NOTCH2NLC: variants seen among roughly 807,000 people sequenced by gnomAD.
NOTCH2NLC encodes notch homolog 2 N-terminal-like protein C.
Under a neutral mutation model 17.7 loss-of-function variants are expected in NOTCH2NLC, and 4 were observed. The observed-to-expected ratio is 0.23, with a 90% CI of 0.11 to 0.52. The LOEUF is 0.52. Among genes scored for constraint, NOTCH2NLC ranks in the 20% least tolerant of loss-of-function variants. The pLI is 0.96. For synonymous variants in NOTCH2NLC, 18 were observed against 86.0 expected, an observed-to-expected ratio of 0.21 and a Z score of 4.38; for missense variants, 57 against 207.2, an observed-to-expected ratio of 0.28 and a Z score of 4.45.
chr1:149,421,583 A>G (rs1490034535), intron 1 of NOTCH2NLC, among the ~76,000 whole-genome samples: 1 of 136,184 alleles, frequency 7.3e-6, no homozygotes, highest in Non-Finnish European at 1.6e-5. Flanking sequence ...TTGTCTTGAT[A>G]ATAGTACAAA....
chr1:149,400,271 A>T (rs1244288201), intron 1 of NOTCH2NLC, among the ~76,000 whole-genome samples: 2 of 136,390 alleles, frequency 1.5e-5, no homozygotes, highest in Non-Finnish European at 3.2e-5. Context: ...CTTAATCTTA[A>T]TATGCCTCTC....
intron 3 of NOTCH2NLC, among the ~76,000 whole-genome samples, chr1:149,460,143 T>A: frequency 7.3e-6 from 1 of 136,446 alleles, no homozygotes; most frequent in Non-Finnish European, 1.6e-5. Flanking sequence ...AATAATTTCT[T>A]CCTGATTGTC....
rs1420235013 is a variant in NOTCH2NLC, at chr1:149,436,855, TAAAAC to T, written c.209+5844_209+5848del. Among the ~76,000 whole-genome samples the T allele has an allele frequency of 1.3e-3, 150 of 118,306 alleles. 1 individual carries two copies. Among genetic ancestry groups the T allele is most frequent in the Middle Eastern group, 0.012 (3 of 246 alleles). 77.6% of individuals were successfully genotyped at this position (118,306 alleles called of 152,430 possible). On this transcript the variant is annotated intron_variant, in intron 2 of 4. Transcript: ENST00000650865. ...CCATAGTTCATTTATCTTTTTAACA[TAAAAC>T]AAAGAATGCTGTTTTTTTGGCTCAT...
chr1:149,462,108 G>A (rs1240204653), intron 3 of NOTCH2NLC, among the ~76,000 whole-genome samples: 3 of 145,478 alleles, frequency 2.1e-5, no homozygotes, highest in Admixed American at 1.4e-4. Context: ...TTGTGCACGT[G>A]TACCCTAGAA....
intron 1 of NOTCH2NLC, among the ~76,000 whole-genome samples, chr1:149,421,498 C>CAAAAAA (rs1186003741): frequency 2.7e-5 from 1 of 36,932 alleles, no homozygotes; most frequent in African/African-American, 1.1e-4. Flanking sequence ...GACTCCATCT[C>CAAAAAA]AAAAAAAAAA....
chr1:149,400,119 T>TAA lies in NOTCH2NLC; in HGVS notation c.135+9198_135+9199insAA, dbSNP rs2084234701. Among the ~76,000 whole-genome samples, 11 of 142,672 alleles carry TAA rather than the reference T, an allele frequency of 7.7e-5. 1 individual carries two copies. Among genetic ancestry groups the TAA allele is most frequent in the Non-Finnish European group, 1.7e-4 (11 of 65,176 alleles). The allele number at this position is 142,672 out of a possible 152,430, so 93.6% of individuals were successfully genotyped here. A position where few individuals can be genotyped will look rare whatever the true frequency, so the allele number is the denominator to read the frequency against. On this transcript the variant is annotated intron_variant, in intron 1 of 4. Coordinates refer to ENST00000650865, the MANE Select transcript of NOTCH2NLC (RefSeq NM_001364013.2). ...GAAAAGCTGTTGATTTATTTATATA[T>TAA]ATATATATATATAATATATATTTTT...
intron 1 of NOTCH2NLC, among the ~76,000 whole-genome samples, chr1:149,399,173 G>T (rs2084229350): frequency 6.6e-6 from 1 of 151,078 alleles, no homozygotes; most frequent in Admixed American, 6.6e-5. Context: ...AAACTGCCTT[G>T]TTCTGAGGCA....
At chr1:149,462,836 T>TA (rs2084657645) in intron 3 of NOTCH2NLC, among the ~76,000 whole-genome samples, 1 of 143,898 alleles carries the variant, frequency 6.9e-6, no homozygotes, top group Non-Finnish European at 1.5e-5. Flanking sequence ...GAAGTTGATT[T>TA]TTTTTTTTTT....
Position 149,462,729 on chromosome 1 carries a change from G to A in NOTCH2NLC, c.470-762G>A, listed in dbSNP as rs1421474900. 2.1e-4 allele frequency among the ~76,000 whole-genome samples: 32 copies of A among 150,058 alleles called. 1 individual carries two copies. Among genetic ancestry groups the A allele is most frequent in the Non-Finnish European group, 3.4e-4 (23 of 67,238 alleles). Reference sequence around the variant, plus strand: ...GCAAACTTGGTGTATCTGTGTTTGCGCACATGTATGTATGTGAGGGGCACT... The same window carrying A: ...GCAAACTTGGTGTATCTGTGTTTGCACACATGTATGTATGTGAGGGGCACT... On this transcript the variant is annotated intron_variant, in intron 3 of 4. Transcript: ENST00000650865.
chr1:149,424,507 G>A (rs1417740779), intron 1 of NOTCH2NLC, among the ~76,000 whole-genome samples: 1 of 150,894 alleles, frequency 6.6e-6, no homozygotes, highest in Non-Finnish European at 1.5e-5. Context: ...CCTAGTAGGG[G>A]ACAATGCTGA....
At position 149,464,649 on chromosome 1, in the gene NOTCH2NLC, A is replaced by G. The variant is rs1227068608; in HGVS notation, c.*496A>G. On this transcript the variant is annotated 3_prime_UTR_variant, in exon 5 of 5. Transcript: ENST00000650865. ...ATTCATTCAACTCCTTATAAAAATG[A>G]TGAGGAGGCTGAAAACCAAGAATTT... is the stretch of plus-strand genomic sequence containing the variant. 2.7e-5 allele frequency: 4 copies of G among 148,940 alleles called. No individual in the cohort carries two copies. The highest frequency in any genetic ancestry group is 6.0e-5 in the Non-Finnish European group (4 of 67,096). 9.2% of individuals were successfully genotyped at this position (148,940 alleles called of 1,614,324 possible). A position where few individuals can be genotyped will look rare whatever the true frequency, so the allele number is the denominator to read the frequency against.
In NOTCH2NLC at chr1:149,392,741, G is replaced by A. The variant is rs1433666408; in HGVS notation, c.135+1819G>A. ...AAGGAATAACCTGCTTTAGAGAATTGTAGGGAATAATAAATATGATTGTAA... is the reference window on the plus strand; with the variant it reads ...AAGGAATAACCTGCTTTAGAGAATTATAGGGAATAATAAATATGATTGTAA... On this transcript the variant is annotated intron_variant, in intron 1 of 4. Transcript: ENST00000650865. 1.9e-4 allele frequency among the ~76,000 whole-genome samples: 29 copies of A among 151,424 alleles called. 1 individual carries two copies. In the East Asian group the frequency reaches 4.9e-3, roughly 25 times the overall value.
At chr1:149,427,180 C>A (rs1476787771) in intron 1 of NOTCH2NLC, among the ~76,000 whole-genome samples, 1 of 150,818 alleles carries the variant, frequency 6.6e-6, no homozygotes, top group African/African-American at 2.4e-5. Flanking sequence ...ATGTATAATA[C>A]CCTATTATTA....
intron 3 of NOTCH2NLC, 120 bp from the exon 4 acceptor site, chr1:149,463,371 T>A: frequency 2.9e-6 from 3 of 1,022,702 alleles, no homozygotes; most frequent in Non-Finnish European, 4.6e-6. Context: ...TAGCCTTTAG[T>A]AAAATGCAAA....
chr1:149,399,789 T>C (rs1362806689), intron 1 of NOTCH2NLC, among the ~76,000 whole-genome samples: 5,096 of 140,530 alleles, frequency 0.036, 227 homozygotes, highest in Middle Eastern at 0.048. Flanking sequence ...CTCTGACATA[T>C]TCTTTCTAAG....
At position 149,465,049 on chromosome 1, in the gene NOTCH2NLC, A is replaced by G. The variant is rs2084677432; in HGVS notation, c.*896A>G. 1 of 146,826 alleles carries G rather than the reference A, an allele frequency of 6.8e-6. No homozygotes were observed. The highest frequency in any genetic ancestry group is 2.2e-4 in the South Asian group (1 of 4,612). 9.1% of individuals were successfully genotyped at this position (146,826 alleles called of 1,614,324 possible). On this transcript the variant is annotated 3_prime_UTR_variant, in exon 5 of 5. Transcript: ENST00000650865. ...CTGTGTATTTGGAATACAGCTATACAAAGCATTGTCACATAATTGAAATGA... is the reference window on the plus strand; with the variant it reads ...CTGTGTATTTGGAATACAGCTATACGAAGCATTGTCACATAATTGAAATGA...
rs1368398942 is a variant in NOTCH2NLC at position 149,417,330 on chromosome 1, G to A, written c.136-13612G>A. Reference sequence around the variant, plus strand: ...TCACCGTGTTAGCCAGGATGGTCTCGATCTCCTGACCTCGTGATCCGCCTG... The same window carrying A: ...TCACCGTGTTAGCCAGGATGGTCTCAATCTCCTGACCTCGTGATCCGCCTG... On this transcript the variant is annotated intron_variant, in intron 1 of 4. Coordinates refer to ENST00000650865, the MANE Select transcript of NOTCH2NLC (RefSeq NM_001364013.2). 3.3e-5 allele frequency among the ~76,000 whole-genome samples: 5 copies of A among 150,608 alleles called. 1 individual carries two copies. The highest frequency in any genetic ancestry group is 7.3e-5 in the African/African-American group (3 of 41,074).
At position 149,445,698 on chromosome 1, in the gene NOTCH2NLC, A is replaced by G. The variant is rs1183333080; in HGVS notation, c.210-9620A>G. On this transcript the variant is annotated intron_variant, in intron 2 of 4. Transcript: ENST00000650865. ...ACTAGCCCAGAGGGAGTAAAGAGGA[A>G]CTTTAATGAGGAGCAGCTGCAGTGC... 1.5e-4 allele frequency among the ~76,000 whole-genome samples: 23 copies of G among 150,592 alleles called. 1 individual carries two copies. The highest frequency in any genetic ancestry group is 3.0e-4 in the Non-Finnish European group (20 of 67,388).
chr1:149,399,920 A>G (rs1375210945), intron 1 of NOTCH2NLC, among the ~76,000 whole-genome samples: 1 of 149,714 alleles, frequency 6.7e-6, no homozygotes, highest in Non-Finnish European at 1.5e-5. Flanking sequence ...AACTTTGCTG[A>G]TTTTCTCTGG....
Sources: allele counts gnomAD v4.1 joint callset (sites outside exome capture counted in the v4.1 genomes callset), GRCh38; gene constraint gnomAD v4.1.1; transcripts MANE v1.5; gene names NCBI Gene and HGNC (gene_info 2026-07-23, HGNC 2026-07-21).